HTT-AS: variants seen among roughly 807,000 people sequenced by gnomAD.
HTT-AS encodes the protein HTT antisense RNA (head to head).
rs150030659 is a variant in HTT-AS at position 3,068,333 on chromosome 4, AG to A, written n.114-4634del. Among the ~76,000 whole-genome samples the A allele has an allele frequency of 5.1e-4, 73 of 142,440 alleles. 6 individuals carry two copies. Among genetic ancestry groups the A allele is most frequent in the African/African-American group, 1.8e-3 (69 of 39,106 alleles). 93.4% of individuals were successfully genotyped at this position (142,440 alleles called of 152,430 possible). A position where few individuals can be genotyped will look rare whatever the true frequency, so the allele number is the denominator to read the frequency against. ...AAAAAAAAAAAAAAAAAAAAAAAAA[AG>A]GGTGACGAAGCTTCAATCTCCTGAA... On this transcript the variant is annotated intron_variant and non_coding_transcript_variant, in intron 1 of 2. Transcript: ENST00000664062.
intron 1 of HTT-AS, among the ~76,000 whole-genome samples, chr4:3,065,888 T>C (rs114188040): frequency 6.6e-6 from 1 of 152,332 alleles, no homozygotes; most frequent in African/African-American, 2.4e-5. Context: ...TTTTGCACCA[T>C]CATCAAGTCA....
chr4:3,050,355 C>A (rs1711680130), intron 2 of HTT-AS, among the ~76,000 whole-genome samples: 1 of 152,178 alleles, frequency 6.6e-6, no homozygotes, highest in South Asian at 2.1e-4. Flanking sequence ...AAACTCTTTT[C>A]TTGGTATTCA....
At chr4:3,065,977 C>T (rs749047887) in intron 1 of HTT-AS, among the ~76,000 whole-genome samples, 8 of 152,160 alleles carry the variant, frequency 5.3e-5, no homozygotes, top group African/African-American at 7.2e-5. Flanking sequence ...TGATGACGGA[C>T]GATAGAATCC....
chr4:3,050,004 G>A lies in HTT-AS; in HGVS notation n.1381-306C>T, dbSNP rs958031122. On this transcript the variant is annotated intron_variant and non_coding_transcript_variant, in intron 2 of 2. Transcript: ENST00000664062. ...TCTGTCACCCAGGCTGGAGTGCAGC[G>A]GTGCAATCTCGGCTCACTCCAACCT... Among the ~76,000 whole-genome samples the A allele has an allele frequency of 5.3e-5, 8 of 149,582 alleles. No homozygotes were observed. In the East Asian group the frequency reaches 5.9e-4, roughly 11 times the overall value.
chr4:3,047,311 AAAAAAC>A (rs961239790), downstream of HTT-AS, among the ~76,000 whole-genome samples: 3 of 152,164 alleles, frequency 2.0e-5, no homozygotes, highest in Admixed American at 6.5e-5. Flanking sequence ...ACTCTGTCTC[AAAAAAC>A]AAAAACAAAA....
At chr4:3,069,337 G>A (rs1712119240) in intron 1 of HTT-AS, among the ~76,000 whole-genome samples, 2 of 147,190 alleles carry the variant, frequency 1.4e-5, no homozygotes, top group Non-Finnish European at 3.0e-5. Context: ...TAAATATTTA[G>A]TAGAGATGGG....
intron 1 of HTT-AS, among the ~76,000 whole-genome samples, chr4:3,072,899 A>G (rs1712215364): frequency 6.6e-6 from 1 of 152,152 alleles, no homozygotes; most frequent in Non-Finnish European, 1.5e-5. Context: ...AAGTGCTGGG[A>G]TTACAGGCGT....
intron 1 of HTT-AS, among the ~76,000 whole-genome samples, chr4:3,065,619 CTTAA>C (rs1346007081): frequency 6.6e-6 from 1 of 152,152 alleles, no homozygotes; most frequent in Non-Finnish European, 1.5e-5. Context: ...AAAAAATGCC[CTTAA>C]TACACCTAAC....
At chr4:3,052,497 A>G (rs568743542) in intron 2 of HTT-AS, among the ~76,000 whole-genome samples, 41 of 152,236 alleles carry the variant, frequency 2.7e-4, no homozygotes, top group Admixed American at 4.6e-4. Flanking sequence ...GGAAGTAGAT[A>G]GATTCCTTTC....
intron 1 of HTT-AS, among the ~76,000 whole-genome samples, chr4:3,068,877 A>G (rs1712107577): frequency 6.6e-6 from 1 of 151,948 alleles, no homozygotes; most frequent in African/African-American, 2.4e-5. Context: ...CTGGTCTTGA[A>G]CACCTGACCT....
chr4:3,058,241 G>A (rs925428491), intron 2 of HTT-AS, among the ~76,000 whole-genome samples: 48 of 152,024 alleles, frequency 3.2e-4, no homozygotes, highest in African/African-American at 1.0e-3. Context: ...CAGGAGAATC[G>A]CTTGAACCCG....
downstream of HTT-AS, among the ~76,000 whole-genome samples, chr4:3,047,927 G>A (rs184930218): frequency 3.8e-3 from 572 of 152,200 alleles, 1 homozygote; most frequent in Admixed American, 0.011. Flanking sequence ...CTCTCTCTCC[G>A]CCTCGGCTAC....
chr4:3,073,638 TC>T (rs1712259212), intron 1 of HTT-AS, among the ~76,000 whole-genome samples: 1 of 152,060 alleles, frequency 6.6e-6, no homozygotes, highest in Non-Finnish European at 1.5e-5. Flanking sequence ...GACCCTCTCC[TC>T]CCTTCCGGGG....
intron 2 of HTT-AS, among the ~76,000 whole-genome samples, chr4:3,062,299 G>A (rs1711944833): frequency 6.6e-6 from 1 of 152,100 alleles, no homozygotes; most frequent in Non-Finnish European, 1.5e-5. Flanking sequence ...CGAAATGCTG[G>A]GATTACAGGC....
chr4:3,051,247 T>G (rs1711698588), intron 2 of HTT-AS, among the ~76,000 whole-genome samples: 1 of 152,128 alleles, frequency 6.6e-6, no homozygotes, highest in South Asian at 2.1e-4. Flanking sequence ...GTATTTTTAG[T>G]AGAGACGGGG....
At chr4:3,074,218 A>C (rs1469798045) in intron 1 of HTT-AS, among the ~76,000 whole-genome samples, 1 of 59,178 alleles carries the variant, frequency 1.7e-5, no homozygotes, top group Non-Finnish European at 3.5e-5. Context: ...CCCCGTCCCC[A>C]GCATCGCCCC....
chr4:3,054,756 C>A (rs1334905776), intron 2 of HTT-AS, among the ~76,000 whole-genome samples: 1 of 151,600 alleles, frequency 6.6e-6, no homozygotes, highest in Admixed American at 6.6e-5. Flanking sequence ...GCTCTGTCAC[C>A]CAGGCTGGAG....
At chr4:3,062,724 C>A (rs1711957966) in exon 2 of HTT-AS, among the ~76,000 whole-genome samples, 1 of 151,940 alleles carries the variant, frequency 6.6e-6, no homozygotes, top group Non-Finnish European at 1.5e-5. Flanking sequence ...TCTGCTTTAT[C>A]ATTAGAACAG....
chr4:3,052,433 C>G (rs553150061), intron 2 of HTT-AS, among the ~76,000 whole-genome samples: 1 of 152,254 alleles, frequency 6.6e-6, no homozygotes, highest in South Asian at 2.1e-4. Flanking sequence ...CAGGAGGTGC[C>G]AGAGACCCCG....
Sources: gnomAD v4.1 joint callset for allele counts (sites outside exome capture counted in the v4.1 genomes callset) on GRCh38, gnomAD v4.1.1 for gene constraint, MANE v1.5 for transcripts, NCBI Gene and HGNC (gene_info 2026-07-23, HGNC 2026-07-21) for gene names.